The following PRKAG2 variants were observed in gnomAD, a reference collection of about 807,000 sequenced individuals.
The protein encoded by PRKAG2 is 5'-AMP-activated protein kinase subunit gamma-2.
A neutral mutation model predicts 69.6 loss-of-function variants in PRKAG2; 26 were observed. The observed-to-expected ratio is 0.37, with a 90% CI of 0.27 to 0.52. The LOEUF (loss-of-function observed/expected upper bound fraction) is 0.52, where lower values mean the gene tolerates loss of function less well. PRKAG2 is among the 20% of genes least tolerant of loss of function. The pLI is 0.90. For missense variants in PRKAG2, 557 were observed against 740.0 expected (o/e 0.75, Z 2.87); for synonymous variants, 293 against 285.0 (o/e 1.03, Z -0.28).
chr7:151,563,207 C>T (rs1054623642), intron 14 of PRKAG2, among the ~76,000 whole-genome samples: 2 of 152,168 alleles, frequency 1.3e-5, no homozygotes, highest in African/African-American at 4.8e-5. Context: ...CTCCTAGCTA[C>T]ATTAAAGCTA....
At chr7:151,799,654 C>A (rs1254843349) in intron 1 of PRKAG2, among the ~76,000 whole-genome samples, 1 of 152,222 alleles carries the variant, frequency 6.6e-6, no homozygotes, top group Non-Finnish European at 1.5e-5. Flanking sequence ...CCTGTCGTGT[C>A]CTCCAGACTG....
At chr7:151,612,352 T>G (rs1423911800) in intron 5 of PRKAG2, among the ~76,000 whole-genome samples, 1 of 152,164 alleles carries the variant, frequency 6.6e-6, no homozygotes, top group Non-Finnish European at 1.5e-5. Flanking sequence ...GGAAGGTTTA[T>G]GCCTTGCTAG....
chr7:151,826,941 T>C (rs1182703296), intron 1 of PRKAG2, among the ~76,000 whole-genome samples: 1 of 152,112 alleles, frequency 6.6e-6, no homozygotes, highest in East Asian at 1.9e-4. Flanking sequence ...AAAGGCTGTA[T>C]TGAGAAAAAA....
chr7:151,692,373 AT>A, intron 3 of PRKAG2, among the ~76,000 whole-genome samples: 1 of 152,334 alleles, frequency 6.6e-6, no homozygotes, highest in Middle Eastern at 3.4e-3. Flanking sequence ...ATATATTTCC[AT>A]TTATACAACA....
chr7:151,811,771 A>G (rs903309081), intron 1 of PRKAG2, among the ~76,000 whole-genome samples: 1 of 152,240 alleles, frequency 6.6e-6, no homozygotes, highest in Non-Finnish European at 1.5e-5. Flanking sequence ...TGTAGGTCCA[A>G]CCTAGGTTTC....
intron 1 of PRKAG2, among the ~76,000 whole-genome samples, chr7:151,796,547 C>T (rs541649131): frequency 6.6e-4 from 100 of 152,310 alleles, no homozygotes; most frequent in African/African-American, 2.2e-3. Flanking sequence ...TGCCTTCGCA[C>T]GCTGGGTAAC....
rs1235570300 is a variant in PRKAG2, at chr7:151,597,761, TATAA to T, written c.755-2311_755-2308del. ...ACCTCACTCCAGTTAGAATGGCTAT[TATAA>T]ACAAAACAAAACAAAACAAAAGATG... is the stretch of plus-strand genomic sequence containing the variant. On this transcript the variant is annotated intron_variant, in intron 5 of 15. Coordinates refer to ENST00000287878, the MANE Select transcript of PRKAG2 (RefSeq NM_016203.4). 1.4e-3 allele frequency among the ~76,000 whole-genome samples: 206 copies of T among 148,628 alleles called. 1 individual carries two copies. The highest frequency in any genetic ancestry group is 5.1e-3 in the African/African-American group (203 of 39,464).
At chr7:151,736,110 C>T in intron 3 of PRKAG2, 1 of 1,496,254 alleles carries the variant, frequency 6.7e-7, no homozygotes. Flanking sequence ...ACAGGGCGCC[C>T]CAAAAGCTCA....
At chr7:151,813,419 C>T (rs1276717135) in intron 1 of PRKAG2, among the ~76,000 whole-genome samples, 1 of 151,712 alleles carries the variant, frequency 6.6e-6, no homozygotes, top group Non-Finnish European at 1.5e-5. Context: ...TCCTAATCAC[C>T]AGCACTCAAG....
chr7:151,837,814 G>A (rs866447773), intron 1 of PRKAG2, among the ~76,000 whole-genome samples: 37 of 152,264 alleles, frequency 2.4e-4, no homozygotes, highest in Admixed American at 3.3e-4. Flanking sequence ...CCTGTCTTAG[G>A]GAGGAATTAC....
intron 5 of PRKAG2, among the ~76,000 whole-genome samples, chr7:151,605,239 A>T (rs1817228240): frequency 6.6e-6 from 1 of 150,822 alleles, no homozygotes; most frequent in Non-Finnish European, 1.5e-5. Context: ...CTGGTCTCAA[A>T]CTCCTGACCT....
At chr7:151,606,657 G>T (rs1212716888) in intron 5 of PRKAG2, among the ~76,000 whole-genome samples, 3 of 151,888 alleles carry the variant, frequency 2.0e-5, no homozygotes, top group Non-Finnish European at 2.9e-5. Context: ...CCATCTCTAT[G>T]AAAAATACAA....
intron 5 of PRKAG2, among the ~76,000 whole-genome samples, chr7:151,615,595 G>A (rs531824219): frequency 6.6e-5 from 10 of 152,036 alleles, no homozygotes; most frequent in Non-Finnish European, 1.2e-4. Flanking sequence ...GCTTCTGCAC[G>A]GCAAAATAAA....
At position 151,614,121 on chromosome 7, in the gene PRKAG2, C is replaced by T. The variant is rs537757852; in HGVS notation, c.754+17948G>A. 2.0e-5 allele frequency among the ~76,000 whole-genome samples: 3 copies of T among 152,310 alleles called. No individual in the cohort carries two copies. The East Asian group carries it at 5.8e-4, about 29-fold the overall frequency. ...TCACTGGAGCCGACCAGGAGGTGCCCCGTTCCCACGGCTATGCTGAGCGCC... is the reference window on the plus strand; with the variant it reads ...TCACTGGAGCCGACCAGGAGGTGCCTCGTTCCCACGGCTATGCTGAGCGCC... On this transcript the variant is annotated intron_variant, in intron 5 of 15. Coordinates refer to ENST00000287878, the MANE Select transcript of PRKAG2 (RefSeq NM_016203.4). The surrounding 1 kb of genome is among the most constrained non-coding windows in gnomAD (Gnocchi z 4.4).
chr7:151,805,903 C>T (rs138369884), intron 1 of PRKAG2, among the ~76,000 whole-genome samples: 1,947 of 152,304 alleles, frequency 0.013, 56 homozygotes, highest in Admixed American at 0.055. Flanking sequence ...TCCTTGGTGA[C>T]AAAGTTTAGG....
chr7:151,600,159 A>G (rs1047913669), intron 5 of PRKAG2, among the ~76,000 whole-genome samples: 4 of 152,074 alleles, frequency 2.6e-5, no homozygotes, highest in Non-Finnish European at 5.9e-5. Flanking sequence ...GCCCGCCACA[A>G]CTGCTTTCCC....
intron 3 of PRKAG2, among the ~76,000 whole-genome samples, chr7:151,688,547 C>T (rs1835125452): frequency 6.6e-6 from 1 of 152,182 alleles, no homozygotes. Flanking sequence ...ATCAGAGCTT[C>T]CGTCTGCAAC....
intron 3 of PRKAG2, among the ~76,000 whole-genome samples, chr7:151,778,058 C>T (rs2076477602): frequency 6.6e-6 from 1 of 152,148 alleles, no homozygotes. Flanking sequence ...CAATGGACCC[C>T]ACCCAGACCC....
At chr7:151,826,246 C>A (rs560005920) in intron 1 of PRKAG2, among the ~76,000 whole-genome samples, 1 of 151,754 alleles carries the variant, frequency 6.6e-6, no homozygotes, top group African/African-American at 2.4e-5. Context: ...AGTGGCGTGA[C>A]CTCGGCTCAC....
Sources: allele counts gnomAD v4.1 joint callset (sites outside exome capture counted in the v4.1 genomes callset), GRCh38; gene constraint gnomAD v4.1.1; non-coding constraint Gnocchi (gnomAD v3.1); transcripts MANE v1.5; gene names NCBI Gene and HGNC (gene_info 2026-07-23, HGNC 2026-07-21).